Variants in ASPRV1 observed in about 807,000 individuals in gnomAD.
ASPRV1 encodes the protein aspartic peptidase retroviral like 1.
Under a neutral mutation model 11.0 loss-of-function variants are expected in ASPRV1, and 7 were observed. That is an observed-to-expected ratio of 0.64 (90% CI 0.36 to 1.20). The LOEUF is 1.20. ASPRV1 is among the 50% of genes most tolerant of loss of function. The pLI is 0.02. For synonymous variants in ASPRV1, 136 were observed against 138.4 expected (o/e 0.98, Z 0.12); for missense variants, 299 against 320.0 (o/e 0.93, Z 0.50).
At chr2:70,043,423 T>TAA in the ASPRV1 span, among the ~76,000 whole-genome samples, 2 of 146,816 alleles carry the variant, frequency 1.4e-5, no homozygotes, top group African/African-American at 5.0e-5. Context: ...GTCTCGCATT[T>TAA]AAAAAAAAAA....
the ASPRV1 span, among the ~76,000 whole-genome samples, chr2:69,995,712 G>C: frequency 6.6e-6 from 1 of 152,168 alleles, no homozygotes; most frequent in Non-Finnish European, 1.5e-5. Flanking sequence ...GGGCAGAAGG[G>C]AGGGCAGGGG....
the ASPRV1 span, among the ~76,000 whole-genome samples, chr2:70,076,948 G>GT: frequency 1.3e-5 from 2 of 152,196 alleles, no homozygotes; most frequent in African/African-American, 2.4e-5. Context: ...GTTGAAAATT[G>GT]TAAGTCAAAC....
chr2:69,937,133 A>T, the ASPRV1 span: 1 of 1,467,718 alleles, frequency 6.8e-7, no homozygotes, highest in South Asian at 1.1e-5. Flanking sequence ...AAGGCGTCTG[A>T]GGAAGTGTGG....
the ASPRV1 span, chr2:70,011,655 CTG>C: frequency 6.6e-6 from 1 of 152,274 alleles, no homozygotes; most frequent in African/African-American, 2.4e-5. Flanking sequence ...TTTGACTTGC[CTG>C]TAAAGCATAT....
At chr2:70,086,374 G>C in the ASPRV1 span, 1 of 152,256 alleles carries the variant, frequency 6.6e-6, no homozygotes, top group Non-Finnish European at 1.5e-5. Context: ...TTGCGCACGG[G>C]GCCCTTTCTG....
the ASPRV1 span, among the ~76,000 whole-genome samples, chr2:70,068,946 CAAAAAAAA>C: frequency 6.8e-5 from 4 of 59,084 alleles, no homozygotes; most frequent in Non-Finnish European, 6.8e-5. Flanking sequence ...ACTCTTGTCT[CAAAAAAAA>C]AAAAAAAAAA....
the ASPRV1 span, among the ~76,000 whole-genome samples, chr2:70,055,396 T>C: frequency 1.3e-5 from 2 of 152,180 alleles, no homozygotes; most frequent in East Asian, 3.9e-4. Flanking sequence ...TGCCCATTAA[T>C]GATAGACTGG....
chr2:70,043,085 A>G, the ASPRV1 span, among the ~76,000 whole-genome samples: 1 of 152,184 alleles, frequency 6.6e-6, no homozygotes, highest in South Asian at 2.1e-4. Flanking sequence ...AGGCAGTTAG[A>G]GAACACTGGT....
the ASPRV1 span, among the ~76,000 whole-genome samples, chr2:70,084,965 T>C: frequency 6.6e-6 from 1 of 152,242 alleles, no homozygotes; most frequent in Non-Finnish European, 1.5e-5. Context: ...CCCTTCTCTT[T>C]GTCTCTCATA....
the ASPRV1 span, chr2:70,030,292 C>T: frequency 6.6e-6 from 1 of 152,504 alleles, no homozygotes; most frequent in Non-Finnish European, 1.5e-5. Context: ...GGGTGGTGTG[C>T]TGAGCTCTGA....
chr2:69,984,765 C>T, the ASPRV1 span, among the ~76,000 whole-genome samples: 4 of 151,608 alleles, frequency 2.6e-5, no homozygotes, highest in East Asian at 1.9e-4. Flanking sequence ...GGATTGCAGC[C>T]GCCTGGCACC....
At chr2:69,966,780 C>G in the ASPRV1 span, among the ~76,000 whole-genome samples, 1 of 152,136 alleles carries the variant, frequency 6.6e-6, no homozygotes, top group Non-Finnish European at 1.5e-5. Context: ...GTATTGTGAG[C>G]AATTAAAACC....
downstream of ASPRV1, among the ~76,000 whole-genome samples, chr2:69,958,047 G>C (rs1012439534): frequency 5.3e-5 from 8 of 152,190 alleles, no homozygotes; most frequent in Non-Finnish European, 1.2e-4. Flanking sequence ...TCCTCACCCA[G>C]ACAGCAAGCC....
the ASPRV1 span, chr2:69,938,938 A>G: frequency 6.6e-6 from 1 of 152,628 alleles, no homozygotes; most frequent in Non-Finnish European, 1.5e-5. Context: ...CAGCTCATCA[A>G]AGTTCCAAAT....
chr2:70,039,879 C>G, the ASPRV1 span, among the ~76,000 whole-genome samples: 10 of 152,100 alleles, frequency 6.6e-5, no homozygotes, highest in African/African-American at 9.7e-5. Context: ...TATTAAATTC[C>G]CAGTGGGGGA....
chr2:70,072,896 TAAAAAA>T, the ASPRV1 span, among the ~76,000 whole-genome samples: 1 of 70,334 alleles, frequency 1.4e-5, no homozygotes, highest in Non-Finnish European at 3.7e-5. Flanking sequence ...TATAAAAAAC[TAAAAAA>T]AAAAAAAAAA....
the ASPRV1 span, chr2:70,056,194 G>A: frequency 1.3e-5 from 2 of 152,160 alleles, no homozygotes; most frequent in African/African-American, 2.4e-5. Context: ...AGGAGGGGTA[G>A]GGCAAGAAGA....
chr2:69,974,617 A>G, the ASPRV1 span, among the ~76,000 whole-genome samples: 2 of 152,100 alleles, frequency 1.3e-5, no homozygotes, highest in African/African-American at 4.8e-5. Context: ...TGCCCAATGT[A>G]TATTTTTCAG....
the ASPRV1 span, among the ~76,000 whole-genome samples, chr2:70,042,356 T>C: frequency 2.0e-5 from 3 of 152,122 alleles, no homozygotes; most frequent in Non-Finnish European, 4.4e-5. Flanking sequence ...GATCTGTGCA[T>C]GGACAGAACT....
Sources: gnomAD v4.1 joint callset for allele counts (sites outside exome capture counted in the v4.1 genomes callset) on GRCh38, gnomAD v4.1.1 for gene constraint, MANE v1.5 for transcripts, NCBI Gene and HGNC (gene_info 2026-07-23, HGNC 2026-07-21) for gene names.